The following GUCD1 variants were observed in gnomAD, a reference collection of about 807,000 sequenced individuals.
GUCD1 encodes protein GUCD1.
GUCD1 carries 17 observed loss-of-function variants against 28.3 expected under a neutral mutation model. That is an observed-to-expected ratio of 0.60 (90% CI 0.41 to 0.90). The LOEUF is 0.90. GUCD1 is among the 40% of genes least tolerant of loss of function. The pLI is 0.00. For missense variants in GUCD1, 279 were observed against 305.5 expected, an observed-to-expected ratio of 0.91 and a Z score of 0.65; for synonymous variants, 129 against 123.3, an observed-to-expected ratio of 1.05 and a Z score of -0.30.
chr22:24,543,947 GGTGGCCACTGGGGGTGAAGCAGCA>G lies in GUCD1; in HGVS notation c.499_522del (p.Cys167_His174del). 6.2e-7 allele frequency: 1 copy of G among 1,614,072 alleles called. No individual in the cohort carries two copies. Among genetic ancestry groups the G allele is most frequent in the Non-Finnish European group, 8.5e-7 (1 of 1,179,966 alleles). ...TAGTCAGGAGTGCGGCAGAAGCAGT[GGTGGCCACTGGGGGTGAAGCAGCA>G]GTACTTGACAGGGCTGGAGCACAGG... On this transcript the variant is annotated inframe_deletion, in exon 5 of 6. Coordinates refer to ENST00000435822, the MANE Select transcript of GUCD1 (RefSeq NM_001284254.2).
rs1308703162 is a variant in GUCD1 at position 24,551,844 on chromosome 22, C to A, written c.44-2843G>T. ...TCCAAAATTTATGTTGAAACTTAAT[C>A]TCCATTGTGGTGGTATGAAGAAATG... On this transcript the variant is annotated intron_variant, in intron 1 of 5. Coordinates refer to ENST00000435822, the MANE Select transcript of GUCD1 (RefSeq NM_001284254.2). Among the ~76,000 whole-genome samples the A allele has an allele frequency of 6.6e-5, 10 of 152,346 alleles. No homozygotes were observed. In the South Asian group the frequency reaches 1.7e-3, roughly 25 times the overall value.
intron 1 of GUCD1, among the ~76,000 whole-genome samples, chr22:24,552,950 C>A (rs921917829): frequency 2.0e-5 from 3 of 152,120 alleles, no homozygotes; most frequent in African/African-American, 7.2e-5. Flanking sequence ...TGGGCACACG[C>A]TACCACACCC....
Position 24,547,015 on chromosome 22 carries a change from G to A in GUCD1, c.295-10C>T, listed in dbSNP as rs367553387. On this transcript the variant is annotated splice_polypyrimidine_tract_variant and intron_variant, in intron 3 of 5. Transcript: ENST00000435822. ...GCTTCCTGTAGAAGGACTGAACAGAGAAGAGGGGGATGGAGTGGCCACCAC... is the reference window on the plus strand; with the variant it reads ...GCTTCCTGTAGAAGGACTGAACAGAAAAGAGGGGGATGGAGTGGCCACCAC... The A allele has an allele frequency of 6.2e-7, 1 of 1,609,290 alleles. No homozygotes were observed. The highest frequency in any genetic ancestry group is 8.5e-7 in the Non-Finnish European group (1 of 1,175,626).
chr22:24,553,782 A>G (rs1445334633), intron 1 of GUCD1, among the ~76,000 whole-genome samples: 2 of 152,214 alleles, frequency 1.3e-5, no homozygotes, highest in African/African-American at 4.8e-5. Context: ...GAACTCCTTG[A>G]TCCTGAGGCC....
rs748585336 is a variant in GUCD1, at chr22:24,543,048, A to C, written c.678T>G (p.Tyr226Ter). Residue 226 changes from tyrosine to a stop codon, truncating the protein, a stop_gained, in exon 6 of 6, where the codon TAT becomes TAG. Transcript: ENST00000435822. LOFTEE classifies it high-confidence loss of function. Reference sequence around the variant, plus strand: ...CAAAGAGGATGTCCTCATCTGTGCCATAGCTGGTTCTGGCCTCCTCAAAGT... The same window carrying C: ...CAAAGAGGATGTCCTCATCTGTGCCCTAGCTGGTTCTGGCCTCCTCAAAGT... Reference protein sequence around the residue: ...ISNFEEARTSYGTDEDILFVY... With the variant: ...ISNFEEARTS 6.2e-7 allele frequency: 1 copy of C among 1,614,074 alleles called. No individual in the cohort carries two copies. The highest frequency in any genetic ancestry group is 8.5e-7 in the Non-Finnish European group (1 of 1,179,948).
At chr22:24,547,835 C>T in intron 3 of GUCD1, 73 bp downstream of exon 3, 2 of 1,523,770 alleles carry the variant, frequency 1.3e-6, no homozygotes, top group Non-Finnish European at 1.8e-6. Context: ...TTCCCTCTTC[C>T]AACTACTGGA....
chr22:24,540,526 C>T lies in GUCD1; in HGVS notation c.*2480G>A, dbSNP rs1176663744. 6.6e-6 allele frequency: 1 copy of T among 152,242 alleles called. No homozygotes were observed. Among genetic ancestry groups the T allele is most frequent in the Non-Finnish European group, 1.5e-5 (1 of 68,048 alleles). The allele number at this position is 152,242 out of a possible 1,614,324, so 9.4% of individuals were successfully genotyped here. ...CTGCAATGCAAAAGATCCCTTTCAT[C>T]CCCGTGGCTAGAATGAACAAAGCCC... On this transcript the variant is annotated 3_prime_UTR_variant, in exon 6 of 6. Transcript: ENST00000435822.
At position 24,541,275 on chromosome 22, in the gene GUCD1, G is replaced by A. The variant is rs2044585303; in HGVS notation, c.*1731C>T. ...AGTCATCTGTGCTCCAAAGCAATGG[G>A]CGGGGGCACAGCTGCCACCATGCCA... On this transcript the variant is annotated 3_prime_UTR_variant, in exon 6 of 6. Coordinates refer to ENST00000435822, the MANE Select transcript of GUCD1 (RefSeq NM_001284254.2). 2 of 152,816 alleles carry A rather than the reference G, an allele frequency of 1.3e-5. No individual in the cohort carries two copies. The highest frequency in any genetic ancestry group is 4.1e-4 in the South Asian group (2 of 4,844). The allele number at this position is 152,816 out of a possible 1,614,324, so 9.5% of individuals were successfully genotyped here.
chr22:24,555,868 A>C (rs1569022197), upstream of GUCD1: 22 of 1,525,132 alleles, frequency 1.4e-5, no homozygotes, highest in Non-Finnish European at 1.9e-5. Flanking sequence ...CTGGTGCCCT[A>C]GTTTCCCAGC....
chr22:24,550,076 G>A (rs1413636938), intron 1 of GUCD1, among the ~76,000 whole-genome samples: 1 of 152,244 alleles, frequency 6.6e-6, no homozygotes. Flanking sequence ...GCTGTGAGGT[G>A]GAGCAGAAAG....
chr22:24,542,042 A>G lies in GUCD1; in HGVS notation c.*964T>C, dbSNP rs1032435870. On this transcript the variant is annotated 3_prime_UTR_variant, in exon 6 of 6. Coordinates refer to ENST00000435822, the MANE Select transcript of GUCD1 (RefSeq NM_001284254.2). The stretch of plus-strand genomic sequence containing the variant: ...GAACCCCTCTTCTCCATCAAGATAG[A>G]CAAGACCCAGTATCCTGTGCAATCT... 1 of 152,266 alleles carries G rather than the reference A, an allele frequency of 6.6e-6. No homozygotes were observed. The highest frequency in any genetic ancestry group is 2.4e-5 in the African/African-American group (1 of 41,464). 9.4% of individuals were successfully genotyped at this position (152,266 alleles called of 1,614,324 possible).
At position 24,546,887 on chromosome 22, in the gene GUCD1, G is replaced by C. The variant is rs374622074; in HGVS notation, c.386+27C>G. ...GTGGGTGAGCAGGCATGAGAGGAAG[G>C]GCAGGTAGGAAAGTTGGGGGGCTCA... On this transcript the variant is annotated intron_variant, in intron 4 of 5. Coordinates refer to ENST00000435822, the MANE Select transcript of GUCD1 (RefSeq NM_001284254.2). 19 of 1,590,336 alleles carry C rather than the reference G, an allele frequency of 1.2e-5. No homozygotes were observed. In the African/African-American group the frequency reaches 1.9e-4, roughly 16 times the overall value.
chr22:24,555,879 C>G (rs1305797675), upstream of GUCD1: 1 of 1,519,138 alleles, frequency 6.6e-7, no homozygotes, highest in Non-Finnish European at 8.8e-7. Context: ...GTTTCCCAGC[C>G]GGCAGGCGGA....
chr22:24,547,901 C>T lies in GUCD1; in HGVS notation c.294+7G>A, dbSNP rs201648073. 1.1e-4 allele frequency: 175 copies of T among 1,613,744 alleles called. No homozygotes were observed. Among genetic ancestry groups the T allele is most frequent in the Non-Finnish European group, 1.4e-4 (163 of 1,179,816 alleles). ...CACATGGGAAGGCCTGGTGGCTGGTCGCTCACCTGGTTCTTGTAGCCCTTG... is the reference window on the plus strand; with the variant it reads ...CACATGGGAAGGCCTGGTGGCTGGTTGCTCACCTGGTTCTTGTAGCCCTTG... On this transcript the variant is annotated splice_region_variant and intron_variant, in intron 3 of 5. Transcript: ENST00000435822.
In GUCD1 at chr22:24,555,095, C is replaced by A; in HGVS notation, c.-104G>T. 1 of 1,309,818 alleles carries A rather than the reference C, an allele frequency of 7.6e-7. No homozygotes were observed. The highest frequency in any genetic ancestry group is 2.2e-5 in the South Asian group (1 of 44,912). 81.1% of individuals were successfully genotyped at this position (1,309,818 alleles called of 1,614,324 possible). On this transcript the variant is annotated 5_prime_UTR_variant, in exon 1 of 6. Transcript: ENST00000435822. Reference sequence around the variant, plus strand: ...GTCGGTGCGTGTCGAGTTCCTTCTCCGCCACCGCCGCCGCTGCGGAGGAGA... The same window carrying A: ...GTCGGTGCGTGTCGAGTTCCTTCTCAGCCACCGCCGCCGCTGCGGAGGAGA...
rs759791193 is a variant in GUCD1 at position 24,543,906 on chromosome 22, G to A, written c.564C>T (p.Ile188=). The A allele has an allele frequency of 9.3e-6, 15 of 1,613,952 alleles. No homozygotes were observed. Among genetic ancestry groups the A allele is most frequent in the Admixed American group, 5.0e-5 (3 of 59,994 alleles). Residue 188 remains isoleucine (I), a synonymous_variant, in exon 5 of 6, where the codon ATC becomes ATT. Transcript: ENST00000435822. ...TGGCCCGGTTGTAGCCACGCAGCACGATGAAGTGGCCCTGGTAGTCAGGAG... is the reference window on the plus strand; with the variant it reads ...TGGCCCGGTTGTAGCCACGCAGCACAATGAAGTGGCCCTGGTAGTCAGGAG... ...CRTPDYQGHF[I]VLRGYNRATG...
In GUCD1 at chr22:24,542,948, C is replaced by A; in HGVS notation, c.*58G>T. 1.6e-6 allele frequency: 2 copies of A among 1,270,654 alleles called. No individual in the cohort carries two copies. The highest frequency in any genetic ancestry group is 1.2e-5 in the South Asian group (1 of 83,910). The allele number at this position is 1,270,654 out of a possible 1,614,324, so 78.7% of individuals were successfully genotyped here. A position where few individuals can be genotyped will look rare whatever the true frequency, so the allele number is the denominator to read the frequency against. On this transcript the variant is annotated 3_prime_UTR_variant, in exon 6 of 6. Transcript: ENST00000435822. Reference sequence around the variant, plus strand: ...CAAGCCTGGGCCAGGGCATCCTGAGCGGGCCCGGCTGGGGTGGGGATGGGG... The same window carrying A: ...CAAGCCTGGGCCAGGGCATCCTGAGAGGGCCCGGCTGGGGTGGGGATGGGG...
chr22:24,544,751 C>A (rs958845092), intron 4 of GUCD1, among the ~76,000 whole-genome samples: 1 of 152,168 alleles, frequency 6.6e-6, no homozygotes, highest in African/African-American at 2.4e-5. Flanking sequence ...GTGGCTCACA[C>A]CTGTAATCCC....
intron 1 of GUCD1, among the ~76,000 whole-genome samples, 194 bp from the exon 2 acceptor site, chr22:24,549,195 C>A (rs751680321): frequency 1.2e-4 from 18 of 152,348 alleles, no homozygotes; most frequent in South Asian, 4.1e-4. Flanking sequence ...CCGGCCAGAG[C>A]AGGTCAGCCC....
Sources: allele counts gnomAD v4.1 joint callset (sites outside exome capture counted in the v4.1 genomes callset), GRCh38; gene constraint gnomAD v4.1.1; transcripts MANE v1.5; gene names NCBI Gene and HGNC (gene_info 2026-07-23, HGNC 2026-07-21).